The following ZFHX3 variants were observed in gnomAD, a reference collection of about 807,000 sequenced individuals.
ZFHX3 encodes the protein zinc finger homeobox 3.
ZFHX3 carries 42 observed loss-of-function variants against 279.1 expected under a neutral mutation model. That is an observed-to-expected ratio of 0.15 (90% CI 0.12 to 0.19). The LOEUF (loss-of-function observed/expected upper bound fraction) is 0.19. Among genes scored for constraint, ZFHX3 ranks in the 10% least tolerant of loss-of-function variants. The pLI, the probability that ZFHX3 is intolerant of heterozygous loss-of-function variation, is 1.00. For missense variants in ZFHX3, 4,981 were observed against 4,754.0 expected, an observed-to-expected ratio of 1.05 and a Z score of -1.40; for synonymous variants, 2,293 against 1,957.8, an observed-to-expected ratio of 1.17 and a Z score of -4.52.
At chr16:73,880,998 G>GT (rs1189025583) in intron 1 of ZFHX3, among the ~76,000 whole-genome samples, 1 of 152,112 alleles carries the variant, frequency 6.6e-6, no homozygotes, top group Non-Finnish European at 1.5e-5. Flanking sequence ...CAGGCAAAGG[G>GT]TATGTGGCAT....
chr16:73,431,427 G>C (rs938732595), intron 3 of ZFHX3, among the ~76,000 whole-genome samples: 10 of 152,188 alleles, frequency 6.6e-5, no homozygotes, highest in South Asian at 2.1e-4. Context: ...TGTGATCTCA[G>C]CTACTCAGTA....
chr16:73,426,867 G>A (rs1024590755), intron 3 of ZFHX3, among the ~76,000 whole-genome samples: 9 of 152,192 alleles, frequency 5.9e-5, no homozygotes, highest in Non-Finnish European at 8.8e-5. Flanking sequence ...ATCCAAGTCA[G>A]TGCCTTTTCC....
chr16:73,205,057 C>T (rs1378738678), intron 5 of ZFHX3, among the ~76,000 whole-genome samples: 1 of 152,108 alleles, frequency 6.6e-6, no homozygotes, highest in Non-Finnish European at 1.5e-5. Flanking sequence ...AAGACACTAG[C>T]AAGTGGAATA....
chr16:73,181,574 C>G (rs531498508), intron 5 of ZFHX3, among the ~76,000 whole-genome samples: 1 of 152,172 alleles, frequency 6.6e-6, no homozygotes, highest in East Asian at 1.9e-4. Context: ...TGAGTAGTCT[C>G]GGGGTTAAAT....
At chr16:73,460,938 T>G (rs943805181) in intron 2 of ZFHX3, among the ~76,000 whole-genome samples, 10 of 152,212 alleles carry the variant, frequency 6.6e-5, no homozygotes, top group Non-Finnish European at 1.5e-4. Flanking sequence ...GATGCCAGCA[T>G]CATGCTTCCT....
intron 2 of ZFHX3, among the ~76,000 whole-genome samples, chr16:73,641,496 A>G (rs1439722503): frequency 2.0e-5 from 3 of 152,224 alleles, no homozygotes; most frequent in African/African-American, 7.2e-5. Flanking sequence ...AAAATCTCTG[A>G]GAAAATTAGG....
At chr16:73,812,304 T>C (rs1197291856) in intron 1 of ZFHX3, among the ~76,000 whole-genome samples, 5 of 152,152 alleles carry the variant, frequency 3.3e-5, no homozygotes, top group African/African-American at 1.2e-4. Context: ...CCGCTTTGGG[T>C]GTTCTCTCTG....
chr16:72,866,608 T>A (rs1443388096), intron 4 of ZFHX3, among the ~76,000 whole-genome samples: 1 of 152,138 alleles, frequency 6.6e-6, no homozygotes, highest in Non-Finnish European at 1.5e-5. Flanking sequence ...TGCAACCAGA[T>A]CTGATCTGAA....
chr16:73,655,900 C>T (rs11642050), intron 2 of ZFHX3, among the ~76,000 whole-genome samples: 71,172 of 152,054 alleles, frequency 0.47, 18,844 homozygotes, highest in East Asian at 0.8. Flanking sequence ...TGTACATTTG[C>T]GCCAAAATAC....
chr16:73,105,876 G>C (rs1264310931), intron 7 of ZFHX3, among the ~76,000 whole-genome samples: 6 of 151,864 alleles, frequency 4.0e-5, no homozygotes, highest in Non-Finnish European at 5.9e-5. Context: ...GATTCCTTTA[G>C]ATCCAGCTTT....
intron 4 of ZFHX3, among the ~76,000 whole-genome samples, chr16:73,292,195 T>C (rs900313419): frequency 6.6e-6 from 1 of 152,164 alleles, no homozygotes; most frequent in African/African-American, 2.4e-5. Flanking sequence ...AATTTATTAT[T>C]AACAAGAGAA....
chr16:73,045,814 G>A (rs1396875357), intron 1 of ZFHX3, among the ~76,000 whole-genome samples: 1 of 147,060 alleles, frequency 6.8e-6, no homozygotes, highest in Non-Finnish European at 1.5e-5. Flanking sequence ...GTGGGGGGGG[G>A]TTGTTGAGAG....
In ZFHX3 at chr16:72,788,182, T is replaced by A. The variant is rs776449895; in HGVS notation, c.10094A>T (p.Gln3365Leu). Reference sequence around the variant, plus strand: ...CTCCTGCAGACTCTGCTGGTATTGCTGGTACTGCTGCAGTAGGGAGCCTGG... The same window carrying A: ...CTCCTGCAGACTCTGCTGGTATTGCAGGTACTGCTGCAGTAGGGAGCCTGG... The part of the protein sequence containing the change: ...LSPGSLLQQY[Q>L]QYQQSLQEAI... The change falls in exon 10 of 10, where the codon CAG becomes CTG. Residue 3365 changes from glutamine to leucine, a missense_variant. Coordinates refer to ENST00000268489, the MANE Select transcript of ZFHX3 (RefSeq NM_006885.4). 2 of 1,612,328 alleles carry A rather than the reference T, an allele frequency of 1.2e-6. No homozygotes were observed. Among genetic ancestry groups the A allele is most frequent in the South Asian group, 2.2e-5 (2 of 90,940 alleles).
In ZFHX3 at chr16:72,794,904, A is replaced by G. The variant is rs2035845498; in HGVS notation, c.7778T>C (p.Ile2593Thr). The change falls in exon 9 of 10, where the codon ATA (isoleucine) becomes ACA (threonine). Residue 2593 changes from isoleucine (I) to threonine (T), a missense_variant. Around this residue, in one of 7 missense-constraint regions of ZFHX3, gnomAD observed 744 missense variants for 701.3 expected, o/e 1.06. Transcript: ENST00000268489. The surrounding 1 kb of genome is among the most constrained non-coding windows in gnomAD (Gnocchi z 4.2). ...GGCTGAGCTTGCTGGAATCTGAGGTATGGCCCCAGAGAGCAGCTGGCTGGC... is the reference window on the plus strand; with the variant it reads ...GGCTGAGCTTGCTGGAATCTGAGGTGTGGCCCCAGAGAGCAGCTGGCTGGC... ...LLASQLLSGAIPQIPASSATS... is the reference protein window; with the variant it reads ...LLASQLLSGATPQIPASSATS... The G allele has an allele frequency of 1.2e-6, 2 of 1,614,070 alleles. No individual in the cohort carries two copies. Among genetic ancestry groups the G allele is most frequent in the African/African-American group, 1.3e-5 (1 of 75,022 alleles).
chr16:73,205,648 G>A (rs1597219203), intron 5 of ZFHX3, among the ~76,000 whole-genome samples: 1 of 152,214 alleles, frequency 6.6e-6, no homozygotes, highest in Admixed American at 6.5e-5. Flanking sequence ...GAGTGTGTGT[G>A]TGTGCGTGAA....
chr16:73,367,978 C>T lies in ZFHX3; in HGVS notation c.-1290-49642G>A, dbSNP rs1328360800. On this transcript the variant is annotated intron_variant, in intron 3 of 17. Coordinates refer to the ZFHX3 transcript ENST00000641206. ...CCACCTCCTGGGTTTTCAAGCAATT[C>T]TTGTGCCTCAGCCTCTCGAGTAGCT... 7.4e-5 allele frequency among the ~76,000 whole-genome samples: 11 copies of T among 149,158 alleles called. No homozygotes were observed. In the Admixed American group the frequency reaches 7.5e-4, roughly 10 times the overall value.
chr16:73,186,609 A>T (rs1967915519), intron 5 of ZFHX3, among the ~76,000 whole-genome samples: 1 of 149,830 alleles, frequency 6.7e-6, no homozygotes, highest in East Asian at 1.9e-4. Flanking sequence ...TGTTTTATGC[A>T]TCAAAGAACT....
intron 4 of ZFHX3, among the ~76,000 whole-genome samples, chr16:72,838,476 A>C (rs2037256839): frequency 6.6e-6 from 1 of 152,114 alleles, no homozygotes; most frequent in Non-Finnish European, 1.5e-5. Flanking sequence ...GACAGGAGAG[A>C]GCCTGTTACG....
intron 1 of ZFHX3, among the ~76,000 whole-genome samples, chr16:73,780,365 C>A (rs1279449911): frequency 2.0e-5 from 3 of 149,622 alleles, no homozygotes; most frequent in Non-Finnish European, 3.0e-5. Flanking sequence ...CCAGGCTGGT[C>A]TCGAACTCCT....
Sources: gnomAD v4.1 joint callset for allele counts (sites outside exome capture counted in the v4.1 genomes callset) on GRCh38, gnomAD v4.1.1 for gene constraint, gnomAD v4.1.1 regional missense constraint, Gnocchi (gnomAD v3.1) non-coding constraint, MANE v1.5 for transcripts, NCBI Gene and HGNC (gene_info 2026-07-23, HGNC 2026-07-21) for gene names.